The following RB1 variants were observed in gnomAD, a reference collection of about 807,000 sequenced individuals.
RB1 encodes the protein retinoblastoma-associated protein.
In RB1, 18 loss-of-function variants were observed where a neutral mutation model predicts 135.4. The observed-to-expected ratio is 0.13, with a 90% CI of 0.09 to 0.20. The LOEUF (loss-of-function observed/expected upper bound fraction) is 0.20. RB1 is among the 10% of genes least tolerant of loss of function. The pLI is 1.00. For missense variants in RB1, 868 were observed against 1,110.0 expected (o/e 0.78, Z 3.10); for synonymous variants, 365 against 373.2 (o/e 0.98, Z 0.25).
chr13:48,328,535 TCTC>T (rs745512638), intron 2 of RB1: 6 of 749,678 alleles, frequency 8.0e-6, no homozygotes, highest in Non-Finnish European at 1.5e-5. Context: ...TTTTCCGGCT[TCTC>T]CTCTCCCGCC....
chr13:48,327,264 G>A (rs1952296108), intron 2 of RB1, among the ~76,000 whole-genome samples: 1 of 151,786 alleles, frequency 6.6e-6, no homozygotes, highest in African/African-American at 2.4e-5. Context: ...AATTTTTGGT[G>A]GTGGTTTGTA....
chr13:48,312,670 C>T (rs1047614393), intron 2 of RB1, among the ~76,000 whole-genome samples: 11 of 152,170 alleles, frequency 7.2e-5, no homozygotes, highest in Non-Finnish European at 1.2e-4. Context: ...TTGCCTCTCA[C>T]GTCTGTCCCT....
chr13:48,417,723 G>A (rs1425091659), intron 17 of RB1, among the ~76,000 whole-genome samples: 8 of 152,092 alleles, frequency 5.3e-5, no homozygotes, highest in Non-Finnish European at 8.8e-5. Flanking sequence ...CACAGCACAA[G>A]AACTTCGTGA....
At position 48,319,404 on chromosome 13, in the gene RB1, G is replaced by C. The variant is rs555871907; in HGVS notation, c.264+11998G>C. 86 of 401,484 alleles carry C rather than the reference G, an allele frequency of 2.1e-4. No homozygotes were observed. Among genetic ancestry groups the C allele is most frequent in the African/African-American group, 1.7e-3 (82 of 47,884 alleles). 24.9% of individuals were successfully genotyped at this position (401,484 alleles called of 1,614,324 possible). A position where few individuals can be genotyped will look rare whatever the true frequency, so the allele number is the denominator to read the frequency against. ...CTCCTCAGTGCCGTCGTTGCTGCTG[G>C]AGTCTGACGCCTCGGGCGCCTGCGC... On this transcript the variant is annotated intron_variant, in intron 2 of 26. Transcript: ENST00000267163. This position sits in a 1 kb window ranked among gnomAD's most constrained non-coding sequence, Gnocchi z 5.0.
Position 48,480,112 on chromosome 13 carries a change from T to C in RB1, c.*41T>C, listed in dbSNP as rs1216386843. 1 of 1,504,090 alleles carries C rather than the reference T, an allele frequency of 6.6e-7. No homozygotes were observed. The highest frequency in any genetic ancestry group is 2.3e-5 in the East Asian group (1 of 43,600). 93.2% of individuals were successfully genotyped at this position (1,504,090 alleles called of 1,614,324 possible). ...GGTGGACACTGTGTACACCTCTGGA[T>C]TCATTGTCTCTCACAGATGTGACTG... On this transcript the variant is annotated 3_prime_UTR_variant, in exon 27 of 27. Coordinates refer to ENST00000267163, the MANE Select transcript of RB1 (RefSeq NM_000321.3).
At chr13:48,461,459 A>C (rs9568043) in intron 20 of RB1, among the ~76,000 whole-genome samples, 84,025 of 152,084 alleles carry the variant, frequency 0.55, 27,938 homozygotes, top group Non-Finnish European at 0.72. Flanking sequence ...ATTATGAATA[A>C]TGTTACCGTG....
At chr13:48,461,160 C>T (rs1325440767) in intron 20 of RB1, among the ~76,000 whole-genome samples, 2 of 152,044 alleles carry the variant, frequency 1.3e-5, no homozygotes, top group African/African-American at 4.8e-5. Flanking sequence ...CTCAAGCAGT[C>T]ACCCCCTATT....
chr13:48,366,383 A>G (rs985105481), intron 9 of RB1, among the ~76,000 whole-genome samples: 2 of 152,228 alleles, frequency 1.3e-5, no homozygotes, highest in Admixed American at 1.3e-4. Context: ...ATGATTAAAC[A>G]TAAGCATGGA....
At chr13:48,317,594 G>C (rs751603335) in intron 2 of RB1, 6 of 440,306 alleles carry the variant, frequency 1.4e-5, no homozygotes, top group Non-Finnish European at 2.0e-5. Flanking sequence ...TCGGCCCCTC[G>C]TGAGCGCTGG....
chr13:48,449,262 T>C (rs955968610), intron 17 of RB1, among the ~76,000 whole-genome samples: 2 of 152,198 alleles, frequency 1.3e-5, no homozygotes, highest in Non-Finnish European at 2.9e-5. Flanking sequence ...CACTAAAAAT[T>C]AGTTAGAAAC....
rs2138087369 is a variant in RB1 at position 48,345,119 on chromosome 13, C to T, written c.420C>T (p.Thr140=). 1 of 1,612,670 alleles carries T rather than the reference C, an allele frequency of 6.2e-7. No individual in the cohort carries two copies. Residue 140 remains threonine, a synonymous_variant, in exon 4 of 27, where the codon ACC becomes ACT. Coordinates refer to ENST00000267163, the MANE Select transcript of RB1 (RefSeq NM_000321.3). Reference sequence around the variant, plus strand: ...TTAACTTACTAAAAGAAATTGATACCAGTACCAAAGTTGATAATGCTATGT... The same window carrying T: ...TTAACTTACTAAAAGAAATTGATACTAGTACCAAAGTTGATAATGCTATGT... ...KFFNLLKEID[T]STKVDNAMSR...
chr13:48,317,192 G>A (rs1416556878), intron 2 of RB1: 3 of 526,412 alleles, frequency 5.7e-6, no homozygotes, highest in African/African-American at 1.9e-5. Flanking sequence ...GCCCCATGTC[G>A]GGCTGAAGAG....
At position 48,479,453 on chromosome 13, in the gene RB1, T is replaced by C. The variant is rs981487118; in HGVS notation, c.2714-545T>C. 1.9e-4 allele frequency among the ~76,000 whole-genome samples: 29 copies of C among 152,338 alleles called. 1 individual carries two copies. Among genetic ancestry groups the C allele is most frequent in the Admixed American group, 1.7e-3 (26 of 15,298 alleles). ...AGTGGCCTACAAAATGGGGCATACC[T>C]GAAGTATGCAAAGTCATCTTTTGGG... On this transcript the variant is annotated intron_variant, in intron 26 of 26. Transcript: ENST00000267163.
chr13:48,448,760 GAA>G (rs1278186300), intron 17 of RB1, among the ~76,000 whole-genome samples: 3 of 152,292 alleles, frequency 2.0e-5, no homozygotes, highest in Non-Finnish European at 4.4e-5. Context: ...TGAAAGCTGA[GAA>G]AAGAGTTGAA....
chr13:48,432,487 GTC>G (rs1156560243), intron 17 of RB1, among the ~76,000 whole-genome samples: 1 of 150,888 alleles, frequency 6.6e-6, no homozygotes, highest in African/African-American at 2.4e-5. Context: ...GAGAGTAGCT[GTC>G]TCTCATTAAA....
At chr13:48,315,165 C>T (rs1952171081) in intron 2 of RB1, among the ~76,000 whole-genome samples, 1 of 152,072 alleles carries the variant, frequency 6.6e-6, no homozygotes, top group African/African-American at 2.4e-5. Flanking sequence ...TCTTCTTATC[C>T]ATGAGCATGG....
intron 4 of RB1, 31 bp downstream of exon 4, chr13:48,345,230 C>T (rs963149858): frequency 6.3e-7 from 1 of 1,597,046 alleles, no homozygotes; most frequent in African/African-American, 1.3e-5. Flanking sequence ...GGTTTACACT[C>T]TGATTTTTTA....
chr13:48,345,281 A>G (rs193228367), intron 4 of RB1, 82 bp downstream of exon 4: 195 of 1,469,248 alleles, frequency 1.3e-4, no homozygotes, highest in Non-Finnish European at 2.1e-5. Context: ...TATTTAACAC[A>G]TTTAGTAAAG....
At chr13:48,327,407 T>C (rs1952297682) in intron 2 of RB1, among the ~76,000 whole-genome samples, 2 of 152,166 alleles carry the variant, frequency 1.3e-5, no homozygotes, top group African/African-American at 4.8e-5. Flanking sequence ...ATGGTTTTTC[T>C]TTGAAGATTA....
Sources: gnomAD v4.1 joint callset for allele counts (sites outside exome capture counted in the v4.1 genomes callset) on GRCh38, gnomAD v4.1.1 for gene constraint, Gnocchi (gnomAD v3.1) non-coding constraint, MANE v1.5 for transcripts, NCBI Gene and HGNC (gene_info 2026-07-23, HGNC 2026-07-21) for gene names.